The following ANKFN1 variants were observed in gnomAD, a reference collection of about 807,000 sequenced individuals.
ANKFN1 encodes ankyrin repeat and fibronectin type-III domain-containing protein 1.
A neutral mutation model predicts 108.7 loss-of-function variants in ANKFN1; 74 were observed. The ratio of observed to expected loss-of-function variants is 0.68; its 90% CI spans 0.56 to 0.83. ANKFN1 has a LOEUF of 0.83. Among genes scored for constraint, ANKFN1 ranks in the 40% least tolerant of loss-of-function variants. ANKFN1 has a pLI of 0.00. For synonymous variants in ANKFN1, 547 were observed against 516.2 expected (o/e 1.06, Z -0.81); for missense variants, 1,505 against 1,382.3 (o/e 1.09, Z -1.41).
intron 2 of ANKFN1, among the ~76,000 whole-genome samples, chr17:56,219,035 A>G (rs1915649837): frequency 6.6e-6 from 1 of 152,176 alleles, no homozygotes; most frequent in Non-Finnish European, 1.5e-5. Flanking sequence ...AATAGGTCTC[A>G]TATACAATAG....
At chr17:56,288,374 T>C (rs2044273066) in intron 3 of ANKFN1, among the ~76,000 whole-genome samples, 2 of 152,170 alleles carry the variant, frequency 1.3e-5, no homozygotes, top group African/African-American at 4.8e-5. Flanking sequence ...TTTGTTTTTT[T>C]AGCTGAACAA....
chr17:56,290,988 G>T (rs1312727590), intron 3 of ANKFN1, among the ~76,000 whole-genome samples: 1 of 152,084 alleles, frequency 6.6e-6, no homozygotes, highest in Non-Finnish European at 1.5e-5. Flanking sequence ...GATTTAAATA[G>T]TTCCATCCTA....
chr17:56,188,581 G>GTGTGTGTATATATATA (rs1212242378), intron 1 of ANKFN1, among the ~76,000 whole-genome samples: 32 of 49,640 alleles, frequency 6.4e-4, no homozygotes, highest in African/African-American at 2.0e-3. Context: ...GTGTGTGTGT[G>GTGTGTGTATATATATA]TATATATATA....
At chr17:56,328,505 G>A (rs1270231154) in intron 4 of ANKFN1, among the ~76,000 whole-genome samples, 1 of 152,144 alleles carries the variant, frequency 6.6e-6, no homozygotes, top group African/African-American at 2.4e-5. Flanking sequence ...CTACCTCAAA[G>A]GTAACCCAAA....
intron 4 of ANKFN1, among the ~76,000 whole-genome samples, chr17:56,143,128 G>A (rs143498182): frequency 1.3e-5 from 2 of 152,164 alleles, no homozygotes; most frequent in African/African-American, 4.8e-5. Context: ...GGGGTTGGGG[G>A]GTAGTTTGGG....
At chr17:56,156,279 G>A (rs893660044) in intron 1 of ANKFN1, among the ~76,000 whole-genome samples, 9 of 151,904 alleles carry the variant, frequency 5.9e-5, no homozygotes, top group Non-Finnish European at 1.0e-4. Flanking sequence ...GTAGAGACAG[G>A]GTTTCACTAT....
rs1222566690 is a variant in ANKFN1 at position 56,350,814 on chromosome 17, T to C, written c.237T>C (p.Cys79=). ...MTQQMQNLHL[C]QSKKHSAPSS... ...AACAAATGCAAAATTTACATCTCTG[T>C]CAGTCAAAAAAACATAGTGCTCCCT... is the stretch of plus-strand genomic sequence containing the variant. The change falls in exon 5 of 21, where the codon TGT becomes TGC. Residue 79 remains cysteine, a synonymous_variant. Transcript: ENST00000682825. 6.2e-7 allele frequency: 1 copy of C among 1,613,784 alleles called. No individual in the cohort carries two copies. Among genetic ancestry groups the C allele is most frequent in the Admixed American group, 1.7e-5 (1 of 59,962 alleles).
intron 3 of ANKFN1, chr17:56,323,478 C>T (rs2045427822): frequency 6.6e-6 from 1 of 152,602 alleles, no homozygotes; most frequent in South Asian, 2.1e-4. Flanking sequence ...AGACGAACTC[C>T]AGGAAACAGC....
At chr17:56,218,483 A>G (rs1382031531) in intron 2 of ANKFN1, among the ~76,000 whole-genome samples, 26 of 151,732 alleles carry the variant, frequency 1.7e-4, no homozygotes, top group Middle Eastern at 3.4e-3. Context: ...TCACTCTTCC[A>G]TGTGGAATTC....
chr17:56,060,079 ATTTG>A (rs1861750606), intron 4 of ANKFN1, among the ~76,000 whole-genome samples: 2 of 152,294 alleles, frequency 1.3e-5, no homozygotes, highest in African/African-American at 4.8e-5. Flanking sequence ...ATGTTTTTCC[ATTTG>A]TTTGTGTCCT....
chr17:56,438,219 G>A (rs2048988264), intron 8 of ANKFN1, among the ~76,000 whole-genome samples: 1 of 152,106 alleles, frequency 6.6e-6, no homozygotes, highest in African/African-American at 2.4e-5. Context: ...AGAAAAACTG[G>A]TGTATTTGAT....
At chr17:56,482,629 C>CCCTCCT in intron 18 of ANKFN1, 105 bp downstream of exon 18, 1 of 1,374,464 alleles carries the variant, frequency 7.3e-7, no homozygotes, top group East Asian at 2.4e-5. Context: ...CAATAAATCA[C>CCCTCCT]ATGATGGCTT....
chr17:56,189,794 C>T (rs1912702049), intron 1 of ANKFN1, among the ~76,000 whole-genome samples: 1 of 152,174 alleles, frequency 6.6e-6, no homozygotes, highest in Admixed American at 6.5e-5. Context: ...ATAAACAAAA[C>T]TTCAGTCTGA....
Position 56,511,051 on chromosome 17 carries a change from G to C in ANKFN1, c.3223G>C (p.Glu1075Gln). ...GGCCCACGCTGCCAGCCTTCCTGAGGAGCGGAACAGCAGTCTCCAGGACGC... is the reference window on the plus strand; with the variant it reads ...GGCCCACGCTGCCAGCCTTCCTGAGCAGCGGAACAGCAGTCTCCAGGACGC... ...TLAHAASLPE[E>Q]RNSSLQDARP... The change falls in exon 21 of 21, where the codon GAG (glutamate) becomes CAG (glutamine). Residue 1075 changes from glutamate (E) to glutamine (Q), a missense_variant. Physicochemically the swap from Glu to Gln is conservative, Grantham distance 29. Transcript: ENST00000682825. 6 of 1,535,996 alleles carry C rather than the reference G, an allele frequency of 3.9e-6. No individual in the cohort carries two copies. Among genetic ancestry groups the C allele is most frequent in the Non-Finnish European group, 5.2e-6 (6 of 1,146,876 alleles).
At chr17:56,419,431 C>T (rs943906689) in intron 8 of ANKFN1, among the ~76,000 whole-genome samples, 6 of 150,660 alleles carry the variant, frequency 4.0e-5, no homozygotes, top group Admixed American at 1.3e-4. Context: ...TGCAGTGAGC[C>T]GAGATCCCGC....
At chr17:56,209,731 C>A (rs919148310) in intron 1 of ANKFN1, among the ~76,000 whole-genome samples, 3 of 151,938 alleles carry the variant, frequency 2.0e-5, no homozygotes, top group Non-Finnish European at 4.4e-5. Flanking sequence ...TGAATAAGTT[C>A]TTTAGTGGTG....
intron 16 of ANKFN1, among the ~76,000 whole-genome samples, chr17:56,480,180 TG>T (rs1224610080): frequency 6.6e-6 from 1 of 152,182 alleles, no homozygotes; most frequent in African/African-American, 2.4e-5. Flanking sequence ...CTCAAGCTTT[TG>T]GAAGGAGAGA....
intron 1 of ANKFN1, among the ~76,000 whole-genome samples, chr17:56,181,041 A>G (rs1911632712): frequency 6.6e-6 from 1 of 152,194 alleles, no homozygotes; most frequent in South Asian, 2.1e-4. Flanking sequence ...GGCAGTTTCT[A>G]TTCCAAGTTG....
intron 11 of ANKFN1, among the ~76,000 whole-genome samples, chr17:56,455,954 C>T (rs1388854406): frequency 6.6e-6 from 1 of 152,224 alleles, no homozygotes; most frequent in East Asian, 1.9e-4. Context: ...CCCATCCCTA[C>T]ACCCATTTTT....
Sources: allele counts gnomAD v4.1 joint callset (sites outside exome capture counted in the v4.1 genomes callset), GRCh38; gene constraint gnomAD v4.1.1; transcripts MANE v1.5; gene names NCBI Gene and HGNC (gene_info 2026-07-23, HGNC 2026-07-21).